ARCN1: variants seen among roughly 807,000 people sequenced by gnomAD.
ARCN1 encodes the protein archain 1 coat protein complex I subunit delta.
In ARCN1, 5 loss-of-function variants were observed where a neutral mutation model predicts 60.4. The observed-to-expected ratio is 0.08, with a 90% CI of 0.04 to 0.17. The LOEUF is 0.17. ARCN1 is among the 10% of genes least tolerant of loss of function. The pLI is 1.00. For synonymous variants in ARCN1, 224 were observed against 220.0 expected (o/e 1.02, Z -0.16); for missense variants, 464 against 626.5 (o/e 0.74, Z 2.77).
chr11:118,580,104 C>G (rs1938617796), intron 1 of ARCN1, among the ~76,000 whole-genome samples: 1 of 152,178 alleles, frequency 6.6e-6, no homozygotes, highest in South Asian at 2.1e-4. Context: ...GGGCTGATCA[C>G]TTGAGTCCAG....
At chr11:118,586,492 A>G (rs1377419236) in intron 5 of ARCN1, among the ~76,000 whole-genome samples, 1 of 152,122 alleles carries the variant, frequency 6.6e-6, no homozygotes, top group Non-Finnish European at 1.5e-5. Context: ...TGCTCTTCCT[A>G]GTGGTTGCTT....
At position 118,576,751 on chromosome 11, in the gene ARCN1, G is replaced by A. The variant is rs115605805; in HGVS notation, c.3+4201G>A. On this transcript the variant is annotated intron_variant, in intron 1 of 9. Transcript: ENST00000264028. ...GTAATTTGTGGTGTCCTGGGTGTTC[G>A]GAGATTTATGCTATACTTAGTATGG... Among the ~76,000 whole-genome samples the A allele has an allele frequency of 9.2e-3, 1,394 of 152,184 alleles. 20 individuals are homozygous for A. The highest frequency in any genetic ancestry group is 0.032 in the African/African-American group (1,322 of 41,520).
chr11:118,597,182 G>A (rs1939044655), intron 8 of ARCN1, among the ~76,000 whole-genome samples: 1 of 152,178 alleles, frequency 6.6e-6, no homozygotes, highest in Non-Finnish European at 1.5e-5. Flanking sequence ...ACTCCAGCCT[G>A]GCGACAGAGC....
At chr11:118,590,548 A>G in intron 6 of ARCN1, 42 bp downstream of exon 6, 1 of 1,594,688 alleles carries the variant, frequency 6.3e-7, no homozygotes, top group Non-Finnish European at 8.6e-7. Context: ...CACTTTGTCT[A>G]CCTATTATAG....
chr11:118,580,991 C>T (rs1291119749), intron 1 of ARCN1, among the ~76,000 whole-genome samples: 3 of 152,014 alleles, frequency 2.0e-5, no homozygotes, highest in Non-Finnish European at 4.4e-5. Flanking sequence ...TAAAAATTAG[C>T]GAGGCTTGGT....
chr11:118,583,633 T>G lies in ARCN1; in HGVS notation c.448-176T>G, dbSNP rs143812760. Among the ~76,000 whole-genome samples the G allele has an allele frequency of 6.8e-3, 1,037 of 151,962 alleles. 11 individuals carry two copies. The highest frequency in any genetic ancestry group is 0.022 in the African/African-American group (927 of 41,440). On this transcript the variant is annotated intron_variant, in intron 3 of 9. Transcript: ENST00000264028. Reference sequence around the variant, plus strand: ...TTAGCCAGGCATGGTAGCACGTGCATGTGGGTCCCAGCTACTTGGGAGGCT... The same window carrying G: ...TTAGCCAGGCATGGTAGCACGTGCAGGTGGGTCCCAGCTACTTGGGAGGCT...
chr11:118,594,728 T>C (rs192930259), intron 8 of ARCN1, among the ~76,000 whole-genome samples: 7 of 152,078 alleles, frequency 4.6e-5, no homozygotes, highest in Non-Finnish European at 8.8e-5. Flanking sequence ...TTTTGTATTA[T>C]TAGTAGAGAC....
rs1179195532 is a variant in ARCN1 at position 118,581,929 on chromosome 11, G to GACACACACACACACACACACACAC, written c.267+423_267+424insCACACACACACACACACACACACA. ...AGACTTACTGATCCAGAGACAGACAGACAGACAGACACACACACACACACA... is the reference window on the plus strand; with the variant it reads ...AGACTTACTGATCCAGAGACAGACAGACACACACACACACACACACACACACAGACAGACACACACACACACACA... On this transcript the variant is annotated intron_variant, in intron 2 of 9. Coordinates refer to ENST00000264028, the MANE Select transcript of ARCN1 (RefSeq NM_001655.5). Among the ~76,000 whole-genome samples the GACACACACACACACACACACACAC allele has an allele frequency of 2.6e-3, 348 of 132,336 alleles. 10 individuals are homozygous for GACACACACACACACACACACACAC. Among genetic ancestry groups the GACACACACACACACACACACACAC allele is most frequent in the East Asian group, 0.025 (78 of 3,166 alleles). The allele number at this position is 132,336 out of a possible 152,430, so 86.8% of individuals were successfully genotyped here. A position where few individuals can be genotyped will look rare whatever the true frequency, so the allele number is the denominator to read the frequency against.
intron 1 of ARCN1, among the ~76,000 whole-genome samples, chr11:118,580,300 G>A (rs542939998): frequency 6.6e-6 from 1 of 152,236 alleles, no homozygotes; most frequent in East Asian, 1.9e-4. Context: ...GTCCAGCTTA[G>A]GTGACAAAGT....
intron 3 of ARCN1, 121 bp from the exon 4 acceptor site, chr11:118,583,688 G>T: frequency 9.7e-7 from 1 of 1,026,300 alleles, no homozygotes. Context: ...AGCCCAGGAA[G>T]TTGAGGCTGC....
intron 5 of ARCN1, among the ~76,000 whole-genome samples, chr11:118,586,355 C>A (rs1320362433): frequency 2.0e-5 from 3 of 152,106 alleles, no homozygotes; most frequent in Non-Finnish European, 4.4e-5. Context: ...CTCTGCCTCC[C>A]AAAAGTGCTT....
Position 118,583,462 on chromosome 11 carries a change from A to G in ARCN1, c.447+104A>G, listed in dbSNP as rs17842763. 202,723 of 1,338,770 alleles carry G rather than the reference A, an allele frequency of 0.15. 19,848 individuals carry two copies. The highest frequency in any genetic ancestry group is 0.49 in the East Asian group (19,376 of 39,568). 82.9% of individuals were successfully genotyped at this position (1,338,770 alleles called of 1,614,324 possible). A position where few individuals can be genotyped will look rare whatever the true frequency, so the allele number is the denominator to read the frequency against. On this transcript the variant is annotated intron_variant, in intron 3 of 9. Transcript: ENST00000264028. ...CTTACTAATGTAGACTGTATTCAAA[A>G]CTATGTCCAGGCTAGGCACAGTGGC...
Position 118,593,660 on chromosome 11 carries a change from T to C in ARCN1, c.1203T>C (p.Asn401=). The C allele has an allele frequency of 6.2e-7, 1 of 1,613,454 alleles. No individual in the cohort carries two copies. The highest frequency in any genetic ancestry group is 8.5e-7 in the Non-Finnish European group (1 of 1,179,470). ...TAGAATATGAGCTACAAGAAGATAA[T>C]TTAGAACTGAATGATGTGGTTATCA... ...VNIEYELQED[N]LELNDVVITI... The change falls in exon 8 of 10, where the codon AAT becomes AAC. Residue 401 remains asparagine, a synonymous_variant. Transcript: ENST00000264028.
intron 5 of ARCN1, among the ~76,000 whole-genome samples, chr11:118,589,782 A>G (rs1459273876): frequency 3.9e-5 from 6 of 152,154 alleles, no homozygotes; most frequent in Non-Finnish European, 7.3e-5. Context: ...TGCCATTACA[A>G]ACAATTCTTC....
intron 5 of ARCN1, among the ~76,000 whole-genome samples, chr11:118,589,051 T>A (rs1271986877): frequency 6.6e-6 from 1 of 152,106 alleles, no homozygotes; most frequent in African/African-American, 2.4e-5. Flanking sequence ...AAAAAAACTA[T>A]CAGTGTAAAT....
intron 6 of ARCN1, 68 bp from the exon 7 acceptor site, chr11:118,592,641 T>G (rs541306820): frequency 6.9e-6 from 9 of 1,313,544 alleles, no homozygotes; most frequent in Non-Finnish European, 9.4e-6. Flanking sequence ...GTGGGCCATA[T>G]AAGCCTAGTG....
Position 118,600,742 on chromosome 11 carries a change from A to C in ARCN1, c.*28A>C, listed in dbSNP as rs1353546536. 4 of 1,490,696 alleles carry C rather than the reference A, an allele frequency of 2.7e-6. No individual in the cohort carries two copies. The South Asian group carries it at 3.6e-5, about 13-fold the overall frequency. 92.3% of individuals were successfully genotyped at this position (1,490,696 alleles called of 1,614,324 possible). ...CCAAGAAGAGGGAGCTGAAAAGGAA[A>C]ATTTTCAGATTAATAAAGAAGACGC... On this transcript the variant is annotated 3_prime_UTR_variant, in exon 10 of 10. Coordinates refer to ENST00000264028, the MANE Select transcript of ARCN1 (RefSeq NM_001655.5).
chr11:118,586,919 T>G (rs1179042332), intron 5 of ARCN1, among the ~76,000 whole-genome samples: 1 of 152,116 alleles, frequency 6.6e-6, no homozygotes, highest in South Asian at 2.1e-4. Flanking sequence ...GACACTGTTT[T>G]TTTCTAAATG....
Position 118,572,497 on chromosome 11 carries a change from C to G in ARCN1, c.-51C>G. 6.2e-7 allele frequency: 1 copy of G among 1,608,340 alleles called. No homozygotes were observed. Among genetic ancestry groups the G allele is most frequent in the Non-Finnish European group, 8.5e-7 (1 of 1,177,172 alleles). ...GTGCTCCCGTTCCCCAGACCCTACC[C>G]CTATCCCCAGTGGAGCCGGAGTGCG... On this transcript the variant is annotated 5_prime_UTR_variant, in exon 1 of 10. Transcript: ENST00000264028.
Sources: gnomAD v4.1 joint callset for allele counts (sites outside exome capture counted in the v4.1 genomes callset) on GRCh38, gnomAD v4.1.1 for gene constraint, MANE v1.5 for transcripts, NCBI Gene and HGNC (gene_info 2026-07-23, HGNC 2026-07-21) for gene names.